TAF4B: variants seen among roughly 807,000 people sequenced by gnomAD.
TAF4B encodes the protein TATA-box binding protein associated factor 4b.
In TAF4B, 38 loss-of-function variants were observed where a neutral mutation model predicts 86.4. The observed-to-expected ratio is 0.44, with a 90% confidence interval of 0.34 to 0.58. The LOEUF is 0.58. Ranked by LOEUF, TAF4B falls within the 20% of genes least tolerant of loss-of-function variation. The pLI is 0.02. For synonymous variants in TAF4B, 388 were observed against 391.2 expected (o/e 0.99, Z 0.10); for missense variants, 988 against 1,027.6 (o/e 0.96, Z 0.53).
chr18:26,328,780 C>T (rs1023813834), intron 12 of TAF4B, among the ~76,000 whole-genome samples: 3 of 151,694 alleles, frequency 2.0e-5, no homozygotes, highest in East Asian at 2.0e-4. Flanking sequence ...CCACCACGCC[C>T]GGCGAATTTT....
intron 14 of TAF4B, among the ~76,000 whole-genome samples, chr18:26,384,566 C>T (rs527600549): frequency 6.6e-6 from 1 of 152,282 alleles, no homozygotes; most frequent in African/African-American, 2.4e-5. Context: ...CAAATGATTT[C>T]TCTTGAGTTC....
At chr18:26,389,001 G>C (rs1435143721) in intron 14 of TAF4B, among the ~76,000 whole-genome samples, 1 of 151,808 alleles carries the variant, frequency 6.6e-6, no homozygotes, top group South Asian at 2.1e-4. Flanking sequence ...TAGTAGAGAC[G>C]GGGTTTCACC....
At chr18:26,270,128 T>G (rs2056294623) in intron 3 of TAF4B, among the ~76,000 whole-genome samples, 1 of 152,230 alleles carries the variant, frequency 6.6e-6, no homozygotes, top group Non-Finnish European at 1.5e-5. Context: ...CAACATGATC[T>G]TAGATACTTA....
At chr18:26,334,638 C>T (rs1296812134) in intron 12 of TAF4B, among the ~76,000 whole-genome samples, 1 of 152,068 alleles carries the variant, frequency 6.6e-6, no homozygotes, top group Non-Finnish European at 1.5e-5. Context: ...ATAGAGGACC[C>T]AAAGATGATA....
chr18:26,293,648 A>G (rs1335943931), intron 9 of TAF4B, 117 bp downstream of exon 9: 3 of 600,460 alleles, frequency 5.0e-6, no homozygotes, highest in Non-Finnish European at 5.7e-6. Context: ...CAAAGCTAAC[A>G]GTACTTTATT....
chr18:26,363,410 G>GT lies in TAF4B; in HGVS notation c.2421+5617dup, dbSNP rs141178271. ...AAAAAAAAAAAAAAGGCAGCGCGTGGTGGTGTGCGCCTGTAGTTCCAGCAA... is the reference window on the plus strand; with the variant it reads ...AAAAAAAAAAAAAAGGCAGCGCGTGGTTGGTGTGCGCCTGTAGTTCCAGCAA... On this transcript the variant is annotated intron_variant, in intron 14 of 14. Coordinates refer to ENST00000269142, the MANE Select transcript of TAF4B (RefSeq NM_005640.3). Among the ~76,000 whole-genome samples the GT allele has an allele frequency of 1.5e-3, 223 of 150,764 alleles. 4 individuals carry two copies. The highest frequency in any genetic ancestry group is 5.0e-3 in the African/African-American group (206 of 41,090).
At chr18:26,256,326 C>G (rs746600539) in intron 1 of TAF4B, 13 of 1,453,834 alleles carry the variant, frequency 8.9e-6, no homozygotes, top group East Asian at 2.3e-5. Context: ...CTCTATACTT[C>G]GGTACATCTT....
chr18:26,293,901 T>G (rs1269143176), intron 9 of TAF4B, among the ~76,000 whole-genome samples: 1 of 152,170 alleles, frequency 6.6e-6, no homozygotes, highest in African/African-American at 2.4e-5. Context: ...TTTTACGTTA[T>G]TATGTACCCT....
chr18:26,300,307 T>A, intron 9 of TAF4B, among the ~76,000 whole-genome samples: 1 of 145,396 alleles, frequency 6.9e-6, no homozygotes, highest in Admixed American at 6.9e-5. Context: ...AATGTAGGCA[T>A]TTATTATTAT....
At chr18:26,335,154 A>C (rs777713001) in intron 12 of TAF4B, 21 bp from the exon 13 acceptor site, 1 of 1,586,286 alleles carries the variant, frequency 6.3e-7, no homozygotes, top group Admixed American at 1.7e-5. Flanking sequence ...TTTCTATTAA[A>C]ATTTTCTTTT....
chr18:26,245,214 C>G (rs139633879), intron 1 of TAF4B, among the ~76,000 whole-genome samples: 14 of 152,000 alleles, frequency 9.2e-5, no homozygotes, highest in Non-Finnish European at 4.4e-5. Flanking sequence ...AAAAGGGGTC[C>G]GATGGTCCTT....
chr18:26,313,219 T>G (rs2144660828), intron 9 of TAF4B, among the ~76,000 whole-genome samples: 1 of 152,320 alleles, frequency 6.6e-6, no homozygotes, highest in East Asian at 1.9e-4. Context: ...CCAGAGATGT[T>G]AAATAACTGG....
intron 2 of TAF4B, chr18:26,266,823 C>T (rs1467200296): frequency 6.6e-6 from 1 of 152,108 alleles, no homozygotes; most frequent in Non-Finnish European, 1.5e-5. Flanking sequence ...GATCGTGCCA[C>T]CTCACTCCAG....
intron 12 of TAF4B, among the ~76,000 whole-genome samples, chr18:26,331,235 C>A (rs1239732601): frequency 1.6e-5 from 2 of 127,564 alleles, no homozygotes; most frequent in Admixed American, 8.3e-5. Flanking sequence ...ATTTTATTTC[C>A]ACTTACTGTG....
chr18:26,315,094 A>ATCTCTCTCTCTC, intron 9 of TAF4B, 135 bp from the exon 10 acceptor site: 1 of 324,342 alleles, frequency 3.1e-6, no homozygotes. Flanking sequence ...TGCTCTCTGA[A>ATCTCTCTCTCTC]ACTCTCTCTC....
At chr18:26,362,051 A>G (rs1019009518) in intron 14 of TAF4B, among the ~76,000 whole-genome samples, 4 of 152,182 alleles carry the variant, frequency 2.6e-5, no homozygotes, top group Non-Finnish European at 5.9e-5. Flanking sequence ...CTTTTCTACT[A>G]CAGTAACATT....
At chr18:26,335,346 G>C in intron 13 of TAF4B, 115 bp downstream of exon 13, 1 of 878,226 alleles carries the variant, frequency 1.1e-6, no homozygotes, top group South Asian at 1.5e-5. Context: ...CAGAAGCCTT[G>C]GGGAAGGACA....
At chr18:26,295,093 A>G (rs2056645647) in intron 9 of TAF4B, 1 of 175,268 alleles carries the variant, frequency 5.7e-6, no homozygotes, top group African/African-American at 2.4e-5. Flanking sequence ...TATTAAATAT[A>G]TATATTTTAA....
chr18:26,231,034 C>CTTTTGTTTTTTTTT (rs2055657987), intron 1 of TAF4B, among the ~76,000 whole-genome samples: 1 of 66,164 alleles, frequency 1.5e-5, no homozygotes, highest in Non-Finnish European at 2.8e-5. Context: ...TGTTGTTTTG[C>CTTTTGTTTTTTTTT]TTTTTTTTTT....
Sources: allele counts gnomAD v4.1 joint callset (sites outside exome capture counted in the v4.1 genomes callset), GRCh38; gene constraint gnomAD v4.1.1; transcripts MANE v1.5; gene names NCBI Gene and HGNC (gene_info 2026-07-23, HGNC 2026-07-21).